PKD1L1: variants seen among roughly 807,000 people sequenced by gnomAD.
The protein encoded by PKD1L1 is polycystin-1-like protein 1.
PKD1L1 carries 236 observed loss-of-function variants against 323.4 expected under a neutral mutation model. The observed-to-expected ratio is 0.73, with a 90% CI of 0.66 to 0.81. The LOEUF (loss-of-function observed/expected upper bound fraction) is 0.81. Ranked by LOEUF, PKD1L1 falls within the 40% of genes least tolerant of loss-of-function variation. The pLI is 0.00. For synonymous variants in PKD1L1, 1,344 were observed against 1,335.0 expected, an observed-to-expected ratio of 1.01 and a Z score of -0.15; for missense variants, 3,320 against 3,508.0, an observed-to-expected ratio of 0.95 and a Z score of 1.35.
chr7:47,893,051 T>C (rs1436170082), intron 15 of PKD1L1, among the ~76,000 whole-genome samples: 1 of 151,478 alleles, frequency 6.6e-6, no homozygotes, highest in Non-Finnish European at 1.5e-5. Flanking sequence ...GCCAACATGG[T>C]GAAACCCATC....
Position 47,839,370 on chromosome 7 carries a change from A to T in PKD1L1, c.5769+76T>A, listed in dbSNP as rs1785520307. The T allele has an allele frequency of 8.2e-7, 1 of 1,214,616 alleles. No individual in the cohort carries two copies. The allele number at this position is 1,214,616 out of a possible 1,614,324, so 75.2% of individuals were successfully genotyped here. ...AAGAGTTCAAAGACACAACTGTGGC[A>T]AGCGAAGCAGAGACAGGTGCCATGC... On this transcript the variant is annotated intron_variant, in intron 36 of 56. Coordinates refer to ENST00000289672, the MANE Select transcript of PKD1L1 (RefSeq NM_138295.5). This position sits in a 1 kb window ranked among gnomAD's most constrained non-coding sequence, Gnocchi z 4.3.
At chr7:47,857,568 G>C in intron 28 of PKD1L1, 37 bp downstream of exon 28, 1 of 1,552,424 alleles carries the variant, frequency 6.4e-7, no homozygotes, top group East Asian at 2.2e-5. Context: ...AATTTGAAAT[G>C]GTCATTAGAA....
chr7:47,791,249 T>C (rs556285910), intron 56 of PKD1L1, among the ~76,000 whole-genome samples: 2 of 152,314 alleles, frequency 1.3e-5, no homozygotes, highest in East Asian at 1.9e-4. Flanking sequence ...CTGATTTCCA[T>C]GTGTATTACT....
chr7:47,821,613 A>T (rs926770672), intron 45 of PKD1L1, among the ~76,000 whole-genome samples: 11 of 150,982 alleles, frequency 7.3e-5, no homozygotes, highest in African/African-American at 2.2e-4. Flanking sequence ...CTGGGAGAAA[A>T]TTTTTGTATA....
At chr7:47,882,177 T>A in intron 19 of PKD1L1, 92 bp from the exon 20 acceptor site, 1 of 1,289,926 alleles carries the variant, frequency 7.8e-7, no homozygotes, top group Non-Finnish European at 1.1e-6. Context: ...TTAATAACTA[T>A]TTGTACTATT....
chr7:47,850,940 T>C (rs1785769382), intron 31 of PKD1L1, among the ~76,000 whole-genome samples: 1 of 152,202 alleles, frequency 6.6e-6, no homozygotes, highest in African/African-American at 2.4e-5. Context: ...TTTTGCTCTT[T>C]GGAAACTGGC....
At chr7:47,791,556 C>G (rs762031540) in intron 56 of PKD1L1, among the ~76,000 whole-genome samples, 19 of 151,062 alleles carry the variant, frequency 1.3e-4, no homozygotes, top group Non-Finnish European at 2.2e-4. Context: ...AAAGTTATAC[C>G]CTTCATCTTC....
At chr7:47,929,568 A>T in intron 6 of PKD1L1, 42 bp from the exon 7 acceptor site, 1 of 1,540,102 alleles carries the variant, frequency 6.5e-7, no homozygotes, top group Non-Finnish European at 8.8e-7. Context: ...ATGACAGTGG[A>T]CCACTGGGGT....
intron 13 of PKD1L1, among the ~76,000 whole-genome samples, chr7:47,899,444 C>A (rs1787029987): frequency 6.6e-6 from 1 of 152,056 alleles, no homozygotes; most frequent in African/African-American, 2.4e-5. Flanking sequence ...TCTACCCATC[C>A]ACACCCCTTA....
In PKD1L1 at chr7:47,809,518, G is replaced by A. The variant is rs755855856; in HGVS notation, c.7641C>T (p.Asp2547=). The A allele has an allele frequency of 7.5e-6, 12 of 1,609,818 alleles. No individual in the cohort carries two copies. The highest frequency in any genetic ancestry group is 9.3e-6 in the Non-Finnish European group (11 of 1,178,316). ...HLCVQLYRMM[D]KGVLSYWRKP... ...TTCGCCAGTAGCTGAGGACGCCCTT[G>A]TCCATCATACGGTAGAGTTGAACAC... is the stretch of plus-strand genomic sequence containing the variant. The change falls in exon 51 of 57, where the codon GAC becomes GAT. Residue 2547 remains aspartate (D), a synonymous_variant. Transcript: ENST00000289672.
In PKD1L1 at chr7:47,943,452, T is replaced by C. The variant is rs1788038500; in HGVS notation, c.104A>G (p.Lys35Arg). 6.2e-7 allele frequency: 1 copy of C among 1,613,422 alleles called. No individual in the cohort carries two copies. The highest frequency in any genetic ancestry group is 1.7e-5 in the Admixed American group (1 of 59,960). Residue 35 changes from lysine (K) to arginine (R), a missense_variant, in exon 2 of 57, where the codon AAG (lysine) becomes AGG (arginine). Lys to Arg is a conservative substitution (Grantham distance 26, BLOSUM62 2). Transcript: ENST00000289672. Reference sequence around the variant, plus strand: ...GCTGCACAGATGAAGACCCCAGCTCTTGTCAGTGCTCACAGACAGCTCACC... The same window carrying C: ...GCTGCACAGATGAAGACCCCAGCTCCTGTCAGTGCTCACAGACAGCTCACC... ...FGGELSVSTD[K>R]SWGLHLCSCS...
At chr7:47,822,258 A>G (rs921211096) in intron 45 of PKD1L1, among the ~76,000 whole-genome samples, 2 of 152,140 alleles carry the variant, frequency 1.3e-5, no homozygotes, top group African/African-American at 4.8e-5. Flanking sequence ...CTTTCCATAT[A>G]AATTTTAGAA....
chr7:47,872,545 A>T (rs1302832842), intron 24 of PKD1L1, among the ~76,000 whole-genome samples: 2 of 152,220 alleles, frequency 1.3e-5, no homozygotes, highest in East Asian at 3.8e-4. Context: ...GTAAAGTACT[A>T]AGCAGACATT....
At chr7:47,801,721 C>T (rs529287905) in intron 53 of PKD1L1, among the ~76,000 whole-genome samples, 6 of 152,346 alleles carry the variant, frequency 3.9e-5, no homozygotes, top group African/African-American at 1.4e-4. Flanking sequence ...AATCAGACAT[C>T]AGTGGAACTC....
Position 47,843,031 on chromosome 7 carries a change from C to A in PKD1L1, c.5376G>T (p.Leu1792=), listed in dbSNP as rs148252365. ...AGYIFLQEAS[L]PGHQLYAVVI... ...CGACCGCATATAGCTGATGGCCCGG[C>A]AGGGAAGCTTCTTGCAGAAAGATGT... is the stretch of plus-strand genomic sequence containing the variant. The change falls in exon 34 of 57, where the codon CTG becomes CTT. Residue 1792 remains leucine, a synonymous_variant. Coordinates refer to ENST00000289672, the MANE Select transcript of PKD1L1 (RefSeq NM_138295.5). 4 of 1,613,864 alleles carry A rather than the reference C, an allele frequency of 2.5e-6. No homozygotes were observed. The Admixed American group carries it at 5.0e-5, about 20-fold the overall frequency.
chr7:47,792,801 A>G lies in PKD1L1; in HGVS notation c.8356-4T>C. ...CAAATTCATCCAAGTAGTAATTCTG[A>G]AGGGAAGAAAATTAGATTAGTAAAT... On this transcript the variant is annotated splice_region_variant and splice_polypyrimidine_tract_variant and intron_variant, in intron 55 of 56. Coordinates refer to ENST00000289672, the MANE Select transcript of PKD1L1 (RefSeq NM_138295.5). 1 of 1,609,716 alleles carries G rather than the reference A, an allele frequency of 6.2e-7. No homozygotes were observed. The highest frequency in any genetic ancestry group is 8.5e-7 in the Non-Finnish European group (1 of 1,176,412).
At chr7:47,789,892 T>A (rs1335487095) in intron 56 of PKD1L1, among the ~76,000 whole-genome samples, 1 of 152,160 alleles carries the variant, frequency 6.6e-6, no homozygotes, top group African/African-American at 2.4e-5. Flanking sequence ...TTTATTTTAT[T>A]TATTATTTAT....
chr7:47,780,608 G>C (rs572944757), intron 56 of PKD1L1, among the ~76,000 whole-genome samples: 1 of 150,622 alleles, frequency 6.6e-6, no homozygotes, highest in Non-Finnish European at 1.5e-5. Flanking sequence ...CTCCAGTCTC[G>C]GCGACAGAAG....
At chr7:47,952,341 A>G (rs575823296), upstream of PKD1L1, among the ~76,000 whole-genome samples, 5 of 152,272 alleles carry the variant, frequency 3.3e-5, no homozygotes, top group East Asian at 7.8e-4. Context: ...GGCTGCTCCA[A>G]TGGGGCTGCT....
Sources: gnomAD v4.1 joint callset for allele counts (sites outside exome capture counted in the v4.1 genomes callset) on GRCh38, gnomAD v4.1.1 for gene constraint, Gnocchi (gnomAD v3.1) non-coding constraint, MANE v1.5 for transcripts, NCBI Gene and HGNC (gene_info 2026-07-23, HGNC 2026-07-21) for gene names.